Variants in PDE4B observed in about 807,000 individuals in gnomAD.
PDE4B encodes the protein phosphodiesterase 4B, also known as 3',5'-cyclic-AMP phosphodiesterase 4B.
A neutral mutation model predicts 82.2 loss-of-function variants in PDE4B; 20 were observed. That is an observed-to-expected ratio of 0.24 (90% CI 0.17 to 0.35). The LOEUF is 0.35. Among genes scored for constraint, PDE4B ranks in the 10% least tolerant of loss-of-function variants. PDE4B has a pLI of 1.00. For missense variants in PDE4B, 655 were observed against 907.2 expected (o/e 0.72, Z 3.57); for synonymous variants, 320 against 318.9 (o/e 1.00, Z -0.04).
chr1:66,014,574 A>C (rs886903915), intron 3 of PDE4B, among the ~76,000 whole-genome samples: 1 of 152,132 alleles, frequency 6.6e-6, no homozygotes, highest in Non-Finnish European at 1.5e-5. Context: ...TAAAGAAAAA[A>C]ACCATACAGA....
chr1:66,047,210 TTGAC>T (rs1261232524), intron 3 of PDE4B, among the ~76,000 whole-genome samples: 1 of 151,758 alleles, frequency 6.6e-6, no homozygotes, highest in Non-Finnish European at 1.5e-5. Flanking sequence ...ACCATGGAGT[TTGAC>T]TGATTTAGTT....
At chr1:66,186,548 C>A (rs989940049) in intron 3 of PDE4B, among the ~76,000 whole-genome samples, 1 of 152,174 alleles carries the variant, frequency 6.6e-6, no homozygotes, top group African/African-American at 2.4e-5. Context: ...AGAGGTCCTT[C>A]ACGTCCCTTA....
chr1:65,839,501 T>C lies in PDE4B; in HGVS notation c.-71+46253T>C, dbSNP rs145784914. Among the ~76,000 whole-genome samples, 541 of 152,296 alleles carry C rather than the reference T, an allele frequency of 3.6e-3. 3 individuals are homozygous for C. The highest frequency in any genetic ancestry group is 0.012 in the African/African-American group (516 of 41,566). On this transcript the variant is annotated intron_variant, in intron 1 of 16. Transcript: ENST00000341517. The stretch of plus-strand genomic sequence containing the variant: ...GTTCTCATTGTTCAACTCCCACTTA[T>C]GAGTGAGAACATGCAGTGTTTGGTT...
At chr1:66,163,261 G>T (rs1011691767) in intron 3 of PDE4B, among the ~76,000 whole-genome samples, 3 of 152,184 alleles carry the variant, frequency 2.0e-5, no homozygotes, top group Non-Finnish European at 4.4e-5. Context: ...GCAATACCTT[G>T]CATCACATCC....
chr1:66,240,288 G>GTGATAGGCATGGCCC (rs1553162026), intron 3 of PDE4B, among the ~76,000 whole-genome samples: 2 of 152,096 alleles, frequency 1.3e-5, no homozygotes, highest in Admixed American at 6.5e-5. Flanking sequence ...TTCATCAGAC[G>GTGATAGGCATGGCCC]TGATAGGCAT....
intron 3 of PDE4B, among the ~76,000 whole-genome samples, chr1:65,995,287 T>A (rs1269896375): frequency 6.6e-6 from 1 of 152,214 alleles, no homozygotes; most frequent in Non-Finnish European, 1.5e-5. Flanking sequence ...TTATTTCTAT[T>A]GTTTTATCTG....
intron 1 of PDE4B, among the ~76,000 whole-genome samples, chr1:65,907,025 C>T (rs924465343): frequency 2.0e-5 from 3 of 152,068 alleles, no homozygotes; most frequent in Non-Finnish European, 2.9e-5. Flanking sequence ...TTCTTCTCTC[C>T]AAGCAATGTT....
At chr1:66,152,637 C>T (rs1218281701) in intron 3 of PDE4B, 3 of 668 alleles carry the variant, frequency 4.5e-3, no homozygotes, top group African/African-American at 4.9e-3. Context: ...TGTGTATACA[C>T]ACACACACAC....
intron 3 of PDE4B, among the ~76,000 whole-genome samples, chr1:65,925,357 T>TA (rs764168888): frequency 6.6e-6 from 1 of 152,180 alleles, no homozygotes; most frequent in East Asian, 1.9e-4. Flanking sequence ...TACTACTATT[T>TA]AAAAAAACTT....
chr1:66,247,852 A>G (rs1653444500), intron 4 of PDE4B, among the ~76,000 whole-genome samples, 198 bp downstream of exon 4: 1 of 152,254 alleles, frequency 6.6e-6, no homozygotes, highest in African/African-American at 2.4e-5. Flanking sequence ...GGGGTCTCCA[A>G]GGGTTTTGGA....
At chr1:66,298,435 A>G (rs1055924341) in intron 7 of PDE4B, among the ~76,000 whole-genome samples, 3 of 152,212 alleles carry the variant, frequency 2.0e-5, no homozygotes, top group African/African-American at 7.2e-5. Flanking sequence ...TGGAACCCCT[A>G]CTATGTGCCA....
intron 3 of PDE4B, among the ~76,000 whole-genome samples, chr1:66,136,100 C>T (rs140193418): frequency 1.5e-4 from 23 of 152,194 alleles, no homozygotes; most frequent in Non-Finnish European, 3.1e-4. Flanking sequence ...CAGTGTGTAT[C>T]CTTAGGCTGG....
chr1:66,093,079 G>T (rs1287318011), intron 3 of PDE4B, among the ~76,000 whole-genome samples: 2 of 152,132 alleles, frequency 1.3e-5, no homozygotes, highest in East Asian at 3.9e-4. Flanking sequence ...TACTGAAATA[G>T]TTGAGCCCCA....
chr1:66,044,921 T>C (rs1000717968), intron 3 of PDE4B, among the ~76,000 whole-genome samples: 2 of 151,732 alleles, frequency 1.3e-5, no homozygotes, highest in African/African-American at 4.8e-5. Flanking sequence ...AATATAAACT[T>C]GAGTAACAAC....
At chr1:65,918,567 T>C (rs1259263423) in intron 2 of PDE4B, 30 bp from the exon 3 acceptor site, 4 of 1,286,712 alleles carry the variant, frequency 3.1e-6, no homozygotes, top group Admixed American at 3.4e-5. Context: ...TTCTTTCTCT[T>C]CTTTTTTTCT....
chr1:66,339,987 G>A (rs1269749192), intron 8 of PDE4B, among the ~76,000 whole-genome samples: 2 of 152,156 alleles, frequency 1.3e-5, no homozygotes, highest in Admixed American at 6.5e-5. Context: ...CTGAGTAAAA[G>A]TGTGCTCAAC....
At chr1:66,255,269 G>A (rs1236280952) in intron 4 of PDE4B, among the ~76,000 whole-genome samples, 1 of 151,724 alleles carries the variant, frequency 6.6e-6, no homozygotes, top group Non-Finnish European at 1.5e-5. Flanking sequence ...TTTTTTTTTA[G>A]TAGAGACAGG....
intron 3 of PDE4B, among the ~76,000 whole-genome samples, chr1:66,154,518 G>A (rs1331372593): frequency 1.3e-5 from 2 of 152,190 alleles, no homozygotes; most frequent in Admixed American, 6.5e-5. Context: ...TGATCCTGCT[G>A]TCTGTTGTCC....
intron 3 of PDE4B, among the ~76,000 whole-genome samples, chr1:66,157,462 G>A (rs1646523169): frequency 6.6e-6 from 1 of 151,904 alleles, no homozygotes; most frequent in Admixed American, 6.6e-5. Flanking sequence ...TCATGACCTG[G>A]GCCCTACCTT....
Sources: allele counts gnomAD v4.1 joint callset (sites outside exome capture counted in the v4.1 genomes callset), GRCh38; gene constraint gnomAD v4.1.1; transcripts MANE v1.5; gene names NCBI Gene and HGNC (gene_info 2026-07-23, HGNC 2026-07-21).